The following ERBB4 variants were observed in gnomAD, a reference collection of about 807,000 sequenced individuals.
The protein encoded by ERBB4 is receptor tyrosine-protein kinase erbB-4.
ERBB4 carries 42 observed loss-of-function variants against 158.0 expected under a neutral mutation model. The ratio of observed to expected loss-of-function variants is 0.27; its 90% CI spans 0.21 to 0.34. The LOEUF (loss-of-function observed/expected upper bound fraction) is 0.34, where lower values mean the gene tolerates loss of function less well. Among genes scored for constraint, ERBB4 ranks in the 10% least tolerant of loss-of-function variants. The probability of loss-of-function intolerance (pLI) is 1.00; values close to 1 mark genes in which losing one functional copy is unlikely to be tolerated. For missense variants in ERBB4, 1,333 were observed against 1,624.1 expected, an observed-to-expected ratio of 0.82 and a Z score of 3.08; for synonymous variants, 583 against 558.7, an observed-to-expected ratio of 1.04 and a Z score of -0.61.
intron 3 of ERBB4, among the ~76,000 whole-genome samples, chr2:211,829,524 G>A (rs543596842): frequency 2.6e-5 from 4 of 152,132 alleles, no homozygotes; most frequent in African/African-American, 9.6e-5. Flanking sequence ...AGCAGTATTT[G>A]TAGAACATAC....
intron 5 of ERBB4, among the ~76,000 whole-genome samples, chr2:211,732,944 TC>T (rs1209288563): frequency 3.9e-5 from 6 of 152,100 alleles, no homozygotes; most frequent in Non-Finnish European, 8.8e-5. Context: ...GCCATTGCAC[TC>T]CAGCCTGCGT....
At chr2:211,867,688 G>A (rs1257511922) in intron 3 of ERBB4, among the ~76,000 whole-genome samples, 4 of 152,074 alleles carry the variant, frequency 2.6e-5, no homozygotes, top group Non-Finnish European at 5.9e-5. Context: ...TCAACCTCCT[G>A]AGTAGCTGAG....
At chr2:212,192,006 TAA>T (rs373488243) in intron 1 of ERBB4, among the ~76,000 whole-genome samples, 2,749 of 105,618 alleles carry the variant, frequency 0.026, 43 homozygotes, top group Non-Finnish European at 0.042. Context: ...ATGTTATATA[TAA>T]TATATGTTAT....
At chr2:212,537,399 T>C (rs538893162) in intron 1 of ERBB4, among the ~76,000 whole-genome samples, 1 of 152,178 alleles carries the variant, frequency 6.6e-6, no homozygotes, top group African/African-American at 2.4e-5. Context: ...CAGGAAACTC[T>C]AGTGTCAGAA....
intron 2 of ERBB4, among the ~76,000 whole-genome samples, chr2:212,053,156 C>G (rs758785467): frequency 5.3e-5 from 8 of 152,154 alleles, no homozygotes; most frequent in Non-Finnish European, 8.8e-5. Context: ...GCAGTCTAGC[C>G]TGGGAAAGAG....
intron 20 of ERBB4, among the ~76,000 whole-genome samples, chr2:211,488,298 T>C (rs2065257294): frequency 6.6e-6 from 1 of 152,116 alleles, no homozygotes; most frequent in Non-Finnish European, 1.5e-5. Flanking sequence ...AGCTGTTCTA[T>C]GTGATATCAC....
At chr2:211,403,846 G>T (rs1323493315) in intron 25 of ERBB4, among the ~76,000 whole-genome samples, 1 of 151,974 alleles carries the variant, frequency 6.6e-6, no homozygotes, top group East Asian at 1.9e-4. Context: ...AGCCAGGTAT[G>T]GTTTTGAATA....
intron 1 of ERBB4, among the ~76,000 whole-genome samples, chr2:212,474,218 T>C (rs1689259501): frequency 6.6e-6 from 1 of 152,032 alleles, no homozygotes; most frequent in Admixed American, 6.6e-5. Flanking sequence ...TTTTTTTTTT[T>C]TAGTATTTGC....
intron 1 of ERBB4, among the ~76,000 whole-genome samples, chr2:212,530,672 A>T (rs1692704830): frequency 6.6e-6 from 1 of 152,186 alleles, no homozygotes; most frequent in African/African-American, 2.4e-5. Flanking sequence ...ACCCCAGCAG[A>T]GGAGAGAAAA....
At chr2:211,626,211 C>T (rs1323151315) in intron 17 of ERBB4, among the ~76,000 whole-genome samples, 2 of 152,118 alleles carry the variant, frequency 1.3e-5, no homozygotes, top group African/African-American at 4.8e-5. Flanking sequence ...TGTTACTCTT[C>T]AAGGGATGAG....
chr2:211,613,806 A>T (rs1233761601), intron 19 of ERBB4, among the ~76,000 whole-genome samples: 1 of 152,064 alleles, frequency 6.6e-6, no homozygotes, highest in South Asian at 2.1e-4. Context: ...GGGAACCCTC[A>T]TACACTGTTG....
At chr2:212,323,945 C>A (rs944646427) in intron 1 of ERBB4, among the ~76,000 whole-genome samples, 2 of 150,544 alleles carry the variant, frequency 1.3e-5, no homozygotes, top group Non-Finnish European at 1.5e-5. Flanking sequence ...GCCATGCCCA[C>A]CACACCTCAC....
intron 1 of ERBB4, among the ~76,000 whole-genome samples, chr2:212,425,928 C>T (rs1048103993): frequency 3.3e-5 from 5 of 151,936 alleles, no homozygotes; most frequent in Non-Finnish European, 4.4e-5. Flanking sequence ...GGATAAGTCA[C>T]CTAATCATGA....
intron 2 of ERBB4, among the ~76,000 whole-genome samples, chr2:212,107,382 T>C (rs962197594): frequency 6.6e-6 from 1 of 152,170 alleles, no homozygotes; most frequent in African/African-American, 2.4e-5. Flanking sequence ...ACTTTAGCCC[T>C]TCATTCCTTC....
At position 212,295,548 on chromosome 2, in the gene ERBB4, G is replaced by A. The variant is rs182657823; in HGVS notation, c.83-170645C>T. 1.8e-3 allele frequency among the ~76,000 whole-genome samples: 273 copies of A among 152,032 alleles called. 2 individuals carry two copies. The highest frequency in any genetic ancestry group is 6.3e-3 in the African/African-American group (260 of 41,494). ...CACACAAATTATTGTACACTATGCC[G>A]CCAAATTACTGACATCACGACACAG... On this transcript the variant is annotated intron_variant, in intron 1 of 27. Transcript: ENST00000342788.
rs527251052 is a variant in ERBB4 at position 211,399,694 on chromosome 2, C to T, written c.3136-11702G>A. Among the ~76,000 whole-genome samples the T allele has an allele frequency of 2.0e-5, 3 of 152,044 alleles. No individual in the cohort carries two copies. In the South Asian group the frequency reaches 6.2e-4, roughly 32 times the overall value. On this transcript the variant is annotated intron_variant, in intron 25 of 27. Transcript: ENST00000342788. Reference sequence around the variant, plus strand: ...GGTGAGTGATTCTGAATGCGATGAACATTTCACATTCAGCTATAAAACTTC... The same window carrying T: ...GGTGAGTGATTCTGAATGCGATGAATATTTCACATTCAGCTATAAAACTTC...
intron 19 of ERBB4, among the ~76,000 whole-genome samples, chr2:211,571,038 C>CCTCTT (rs1437512949): frequency 3.4e-5 from 2 of 58,736 alleles, no homozygotes; most frequent in African/African-American, 1.5e-4. Flanking sequence ...GAGTACTCTT[C>CCTCTT]TTCTTTTTTT....
At chr2:211,400,719 C>A (rs2125352962) in intron 25 of ERBB4, among the ~76,000 whole-genome samples, 1 of 151,424 alleles carries the variant, frequency 6.6e-6, no homozygotes, top group African/African-American at 2.4e-5. Context: ...TTTGATAACA[C>A]AACAGAGTGA....
chr2:211,432,789 TA>T (rs113209369), intron 20 of ERBB4, among the ~76,000 whole-genome samples: 68,097 of 151,526 alleles, frequency 0.45, 17,356 homozygotes, highest in African/African-American at 0.7. Context: ...TGCTGGACTA[TA>T]TAGACAGATA....
Sources: allele counts gnomAD v4.1 joint callset (sites outside exome capture counted in the v4.1 genomes callset), GRCh38; gene constraint gnomAD v4.1.1; transcripts MANE v1.5; gene names NCBI Gene and HGNC (gene_info 2026-07-23, HGNC 2026-07-21).